The following PTMS variants were observed in gnomAD, a reference collection of about 807,000 sequenced individuals.
The protein encoded by PTMS is parathymosin.
A neutral mutation model predicts 18.4 loss-of-function variants in PTMS; 5 were observed. The ratio of observed to expected loss-of-function variants is 0.27; its 90% CI spans 0.14 to 0.57. The LOEUF is 0.57. PTMS is among the 20% of genes least tolerant of loss of function. The pLI is 0.92. For missense variants in PTMS, 93 were observed against 124.6 expected (o/e 0.75, Z 1.21); for synonymous variants, 53 against 47.7 (o/e 1.11, Z -0.46).
chr12:6,766,674 TCCCCGCCAGCCCCGGCCCCGGCCCCGGCA>T lies in PTMS; in HGVS notation c.-29_-1del. On this transcript the variant is annotated 5_prime_UTR_variant, in exon 1 of 5. Coordinates refer to ENST00000309083, the MANE Select transcript of PTMS (RefSeq NM_002824.6). ...TCCGTCTCGGCCCCGGGACCCCGGC[TCCCCGCCAGCCCCGGCCCCGGCCCCGGCA>T]CCATGTCGGAGAAAAGCGTGGAGGC... 1 of 1,107,234 alleles carries T rather than the reference TCCCCGCCAGCCCCGGCCCCGGCCCCGGCA, an allele frequency of 9.0e-7. No homozygotes were observed. Among genetic ancestry groups the T allele is most frequent in the Non-Finnish European group, 1.1e-6 (1 of 904,684 alleles). 68.6% of individuals were successfully genotyped at this position (1,107,234 alleles called of 1,614,324 possible).
Position 6,766,488 on chromosome 12 carries a change from T to G in PTMS, c.-218T>G. 3.7e-6 allele frequency: 1 copy of G among 271,068 alleles called. No homozygotes were observed. Among genetic ancestry groups the G allele is most frequent in the Non-Finnish European group, 7.4e-6 (1 of 135,120 alleles). 16.8% of individuals were successfully genotyped at this position (271,068 alleles called of 1,614,324 possible). On this transcript the variant is annotated 5_prime_UTR_variant, in exon 1 of 5. Coordinates refer to ENST00000309083, the MANE Select transcript of PTMS (RefSeq NM_002824.6). ...CCCGCCCTCCGGACGGCCGCAGCCC[T>G]GCGGGTCTCCGCTCCAGACCCACCC...
At chr12:6,767,640 G>A (rs1432509787) in intron 1 of PTMS, among the ~76,000 whole-genome samples, 1 of 129,452 alleles carries the variant, frequency 7.7e-6, no homozygotes, top group Non-Finnish European at 1.6e-5. Flanking sequence ...CCGTCACACA[G>A]GTCTCCCGGA....
At position 6,766,585 on chromosome 12, in the gene PTMS, TCGCCGC is replaced by T. The variant is rs765644791; in HGVS notation, c.-110_-105del. On this transcript the variant is annotated 5_prime_UTR_variant, in exon 1 of 5. Transcript: ENST00000309083. ...TGCCGAGCGGCCGCCGCTGCCGCTG[TCGCCGC>T]CGCCGCCGCCACCGCGCCAGGTTCC... is the stretch of plus-strand genomic sequence containing the variant. 1.9e-5 allele frequency: 9 copies of T among 464,192 alleles called. No homozygotes were observed. The highest frequency in any genetic ancestry group is 4.9e-5 in the Admixed American group (1 of 20,616). The allele number at this position is 464,192 out of a possible 1,614,324, so 28.8% of individuals were successfully genotyped here.
Position 6,766,470 on chromosome 12 carries a change from T to C in PTMS, c.-236T>C. 4.1e-6 allele frequency: 1 copy of C among 241,964 alleles called. No individual in the cohort carries two copies. Among genetic ancestry groups the C allele is most frequent in the Admixed American group, 4.9e-5 (1 of 20,348 alleles). The allele number at this position is 241,964 out of a possible 1,614,324, so 15.0% of individuals were successfully genotyped here. The stretch of plus-strand genomic sequence containing the variant: ...GCCTGCACCGCCCTTCCGCCCGCCC[T>C]CCGGACGGCCGCAGCCCTGCGGGTC... On this transcript the variant is annotated 5_prime_UTR_variant, in exon 1 of 5. Transcript: ENST00000309083.
At chr12:6,769,567 T>C (rs753828000) in intron 1 of PTMS, 36 bp from the exon 2 acceptor site, 4 of 1,610,834 alleles carry the variant, frequency 2.5e-6, no homozygotes, top group Non-Finnish European at 3.4e-6. Flanking sequence ...TGCAAGCCAT[T>C]TGTGGTGAGA....
rs896275391 is a variant in PTMS at position 6,769,830 on chromosome 12, C to T, written c.118-91C>T. 1.9e-6 allele frequency: 3 copies of T among 1,609,966 alleles called. No individual in the cohort carries two copies. The African/African-American group carries it at 4.0e-5, about 22-fold the overall frequency. On this transcript the variant is annotated intron_variant, in intron 2 of 4. Coordinates refer to ENST00000309083, the MANE Select transcript of PTMS (RefSeq NM_002824.6). ...CCCACCCTGTGGCCCATCCCAAGCCCTTTTATCACCCAGGCTCCAGTCCCA... is the reference window on the plus strand; with the variant it reads ...CCCACCCTGTGGCCCATCCCAAGCCTTTTTATCACCCAGGCTCCAGTCCCA...
chr12:6,767,207 G>A (rs553511526), intron 1 of PTMS: 1 of 151,926 alleles, frequency 6.6e-6, no homozygotes, highest in Non-Finnish European at 1.5e-5. Context: ...CTGCTCCTCC[G>A]GGCCCCTCCC....
chr12:6,767,598 C>CGGGGGGGGGGGGGGGGGGGGGG (rs56074647), intron 1 of PTMS: 1 of 11,008 alleles, frequency 9.1e-5, no homozygotes, highest in African/African-American at 6.3e-4. Flanking sequence ...ATGTGTATGG[C>CGGGGGGGGGGGGGGGGGGGGGG]GGGGGGGGGG....
rs1310116531 is a variant in PTMS at position 6,769,687 on chromosome 12, G to T, written c.117+13G>T. On this transcript the variant is annotated intron_variant, in intron 2 of 4. Transcript: ENST00000309083. Reference sequence around the variant, plus strand: ...AGAAGTGGTGGAGGTGTGGAGGGGTGGGGGAGAGGACCACATCTGCCCTAC... The same window carrying T: ...AGAAGTGGTGGAGGTGTGGAGGGGTTGGGGAGAGGACCACATCTGCCCTAC... The T allele has an allele frequency of 1.9e-6, 3 of 1,613,510 alleles. No individual in the cohort carries two copies. Among genetic ancestry groups the T allele is most frequent in the Middle Eastern group, 1.6e-4 (1 of 6,076 alleles).
intron 1 of PTMS, 110 bp downstream of exon 1, chr12:6,766,860 C>G: frequency 1.4e-6 from 1 of 717,198 alleles, no homozygotes; most frequent in Non-Finnish European, 1.7e-6. Context: ...CGCCCGGGTC[C>G]TGGCGGACCC....
Position 6,766,649 on chromosome 12 carries a change from T to A in PTMS, c.-57T>A. The A allele has an allele frequency of 1.9e-6, 2 of 1,042,758 alleles. No individual in the cohort carries two copies. The highest frequency in any genetic ancestry group is 2.3e-6 in the Non-Finnish European group (2 of 851,500). The allele number at this position is 1,042,758 out of a possible 1,614,324, so 64.6% of individuals were successfully genotyped here. A position where few individuals can be genotyped will look rare whatever the true frequency, so the allele number is the denominator to read the frequency against. ...GCCACCCTCCGCCGTCCAGGGCCCC[T>A]CCGTCTCGGCCCCGGGACCCCGGCT... On this transcript the variant is annotated 5_prime_UTR_variant, in exon 1 of 5. Coordinates refer to ENST00000309083, the MANE Select transcript of PTMS (RefSeq NM_002824.6).
Position 6,770,134 on chromosome 12 carries a change from A to T in PTMS, c.197-23A>T, listed in dbSNP as rs376664978. 1 of 1,613,708 alleles carries T rather than the reference A, an allele frequency of 6.2e-7. No homozygotes were observed. The highest frequency in any genetic ancestry group is 1.7e-5 in the Admixed American group (1 of 59,976). Reference sequence around the variant, plus strand: ...TGCCAGAGCTTCCTGCCCTTCCCCAATGACCCATTTCTGGCTCCTCAGATG... The same window carrying T: ...TGCCAGAGCTTCCTGCCCTTCCCCATTGACCCATTTCTGGCTCCTCAGATG... On this transcript the variant is annotated intron_variant, in intron 3 of 4. Transcript: ENST00000309083. This position sits in a 1 kb window ranked among gnomAD's most constrained non-coding sequence, Gnocchi z 7.3.
In PTMS at chr12:6,770,195, C is replaced by A. The variant is rs774162999; in HGVS notation, c.235C>A (p.Leu79Met). 6 of 1,614,160 alleles carry A rather than the reference C, an allele frequency of 3.7e-6. No homozygotes were observed. In the East Asian group the frequency reaches 1.3e-4, roughly 36 times the overall value. ...EEEEDDEGPA[L>M]KRAAEEEDEA... ...AGAAGAGGATGATGAAGGGCCCGCG[C>A]TGAAGAGAGCTGCCGAAGAGGAGGT... is the stretch of plus-strand genomic sequence containing the variant. The change falls in exon 4 of 5, where the codon CTG (leucine) becomes ATG (methionine). Residue 79 changes from leucine to methionine, a missense_variant. Physicochemically the swap from Leu to Met is conservative, Grantham distance 15 (BLOSUM62 2). Coordinates refer to ENST00000309083, the MANE Select transcript of PTMS (RefSeq NM_002824.6). This position sits in a 1 kb window ranked among gnomAD's most constrained non-coding sequence, Gnocchi z 7.3.
rs1941769884 is a variant in PTMS, at chr12:6,766,682, A to G, written c.-24A>G. The G allele has an allele frequency of 2.7e-6, 3 of 1,116,850 alleles. No individual in the cohort carries two copies. Among genetic ancestry groups the G allele is most frequent in the Non-Finnish European group, 2.2e-6 (2 of 910,256 alleles). The allele number at this position is 1,116,850 out of a possible 1,614,324, so 69.2% of individuals were successfully genotyped here. On this transcript the variant is annotated 5_prime_UTR_variant, in exon 1 of 5. Transcript: ENST00000309083. ...GGCCCCGGGACCCCGGCTCCCCGCC[A>G]GCCCCGGCCCCGGCCCCGGCACCAT...
At position 6,766,733 on chromosome 12, in the gene PTMS, G is replaced by A. The variant is rs1463446237; in HGVS notation, c.28G>A (p.Ala10Thr). MSEKSVEAA[A>T]ELSAKDLKEK... ...GTCGGAGAAAAGCGTGGAGGCAGCG[G>A]CCGAGTTGAGCGCCAAGGTACGGGC... Residue 10 changes from alanine (A) to threonine (T), a missense_variant, in exon 1 of 5, where the codon GCC (alanine) becomes ACC (threonine). Coordinates refer to ENST00000309083, the MANE Select transcript of PTMS (RefSeq NM_002824.6). 1.8e-6 allele frequency: 2 copies of A among 1,098,768 alleles called. No individual in the cohort carries two copies. The highest frequency in any genetic ancestry group is 2.2e-6 in the Non-Finnish European group (2 of 903,400). The allele number at this position is 1,098,768 out of a possible 1,614,324, so 68.1% of individuals were successfully genotyped here.
Position 6,770,055 on chromosome 12 carries a change from A to G in PTMS, c.196+56A>G, listed in dbSNP as rs2137801120. ...AAAGTCTGGGCTCAAAGGAGAGCAGAGTCAGGGTGGGTTTGAAGACCTGAA... is the reference window on the plus strand; with the variant it reads ...AAAGTCTGGGCTCAAAGGAGAGCAGGGTCAGGGTGGGTTTGAAGACCTGAA... On this transcript the variant is annotated intron_variant, in intron 3 of 4. Coordinates refer to ENST00000309083, the MANE Select transcript of PTMS (RefSeq NM_002824.6). This position sits in a 1 kb window ranked among gnomAD's most constrained non-coding sequence, Gnocchi z 7.3. 1 of 1,585,408 alleles carries G rather than the reference A, an allele frequency of 6.3e-7. No individual in the cohort carries two copies. Among genetic ancestry groups the G allele is most frequent in the East Asian group, 2.3e-5 (1 of 42,872 alleles).
intron 1 of PTMS, chr12:6,769,076 G>A (rs2137800015): frequency 5.1e-6 from 1 of 195,490 alleles, no homozygotes; most frequent in Admixed American, 6.0e-5. Flanking sequence ...GGGGCCTGAG[G>A]ATTAGGGAGA....
intron 2 of PTMS, 50 bp downstream of exon 2, chr12:6,769,724 C>A (rs748363383): frequency 1.0e-5 from 16 of 1,607,872 alleles, no homozygotes; most frequent in Non-Finnish European, 1.4e-5. Flanking sequence ...ATCTTCCCTC[C>A]CAATCATCTC....
In PTMS at chr12:6,766,669, C is replaced by A. The variant is rs1461893807; in HGVS notation, c.-37C>A. 9.0e-7 allele frequency: 1 copy of A among 1,112,930 alleles called. No homozygotes were observed. Among genetic ancestry groups the A allele is most frequent in the Non-Finnish European group, 1.1e-6 (1 of 907,072 alleles). 68.9% of individuals were successfully genotyped at this position (1,112,930 alleles called of 1,614,324 possible). Reference sequence around the variant, plus strand: ...GCCCCTCCGTCTCGGCCCCGGGACCCCGGCTCCCCGCCAGCCCCGGCCCCG... The same window carrying A: ...GCCCCTCCGTCTCGGCCCCGGGACCACGGCTCCCCGCCAGCCCCGGCCCCG... On this transcript the variant is annotated 5_prime_UTR_variant, in exon 1 of 5. Coordinates refer to ENST00000309083, the MANE Select transcript of PTMS (RefSeq NM_002824.6).
Sources: gnomAD v4.1 joint callset for allele counts (sites outside exome capture counted in the v4.1 genomes callset) on GRCh38, gnomAD v4.1.1 for gene constraint, Gnocchi (gnomAD v3.1) non-coding constraint, MANE v1.5 for transcripts, NCBI Gene and HGNC (gene_info 2026-07-23, HGNC 2026-07-21) for gene names.